CCDC7: variants seen among roughly 807,000 people sequenced by gnomAD.
CCDC7 encodes coiled-coil domain-containing protein 7.
In CCDC7, 183 loss-of-function variants were observed where a neutral mutation model predicts 196.9. The ratio of observed to expected loss-of-function variants is 0.93; its 90% confidence interval spans 0.82 to 1.05. The LOEUF (loss-of-function observed/expected upper bound fraction) is 1.05, where lower values mean the gene tolerates loss of function less well. CCDC7 is among the 50% of genes least tolerant of loss of function. The pLI, the probability that CCDC7 is intolerant of heterozygous loss-of-function variation, is 0.00. For synonymous variants in CCDC7, 525 were observed against 484.6 expected (o/e 1.08, Z -1.10); for missense variants, 1,540 against 1,482.2 (o/e 1.04, Z -0.64).
chr10:32,836,690 AGT>A (rs1214721279), intron 33 of CCDC7, among the ~76,000 whole-genome samples: 1 of 152,116 alleles, frequency 6.6e-6, no homozygotes, highest in East Asian at 1.9e-4. Flanking sequence ...TCTTTTGAGA[AGT>A]GTCTGTTCAT....
intron 29 of CCDC7, among the ~76,000 whole-genome samples, chr10:32,785,340 C>A (rs1347214528): frequency 1.3e-5 from 2 of 152,112 alleles, no homozygotes; most frequent in African/African-American, 2.4e-5. Flanking sequence ...GATAAAAATT[C>A]TTCTGCACAA....
intron 11 of CCDC7, among the ~76,000 whole-genome samples, chr10:32,538,437 A>G (rs1044701326): frequency 1.3e-5 from 2 of 152,178 alleles, no homozygotes; most frequent in Non-Finnish European, 2.9e-5. Flanking sequence ...AAACAGGGGT[A>G]GTTTCACTTC....
At chr10:32,520,085 A>G (rs1446447828) in intron 11 of CCDC7, among the ~76,000 whole-genome samples, 1 of 152,068 alleles carries the variant, frequency 6.6e-6, no homozygotes, top group Non-Finnish European at 1.5e-5. Flanking sequence ...TCCATCGTGT[A>G]TGAGTATTAC....
chr10:32,874,012 A>G (rs1202059766), intron 41 of CCDC7, among the ~76,000 whole-genome samples: 5 of 151,672 alleles, frequency 3.3e-5, no homozygotes, highest in African/African-American at 1.2e-4. Flanking sequence ...TATACAATTA[A>G]TAATTAAAAT....
chr10:32,855,073 A>G (rs76751038), intron 41 of CCDC7, among the ~76,000 whole-genome samples: 5,838 of 152,274 alleles, frequency 0.038, 391 homozygotes, highest in African/African-American at 0.13. Flanking sequence ...CCAGAACTAG[A>G]CTTTTCATGC....
intron 21 of CCDC7, among the ~76,000 whole-genome samples, chr10:32,666,277 T>A (rs2072687265): frequency 6.6e-6 from 1 of 151,880 alleles, no homozygotes; most frequent in Non-Finnish European, 1.5e-5. Flanking sequence ...TATAAATAGC[T>A]ATCATTTACT....
chr10:32,795,949 G>A (rs183614810), intron 29 of CCDC7, among the ~76,000 whole-genome samples: 27 of 152,200 alleles, frequency 1.8e-4, no homozygotes, highest in South Asian at 1.0e-3. Flanking sequence ...CTCTTGCTGC[G>A]TTTGGATCCT....
At chr10:32,491,627 TCAAGTTATGTAA>T (rs2042166178) in intron 8 of CCDC7, among the ~76,000 whole-genome samples, 1 of 152,184 alleles carries the variant, frequency 6.6e-6, no homozygotes, top group Non-Finnish European at 1.5e-5. Context: ...ATAGTATTGA[TCAAGTTATGTAA>T]CCTCTTTGAG....
intron 13 of CCDC7, among the ~76,000 whole-genome samples, chr10:32,562,147 T>A (rs1315452437): frequency 1.3e-5 from 2 of 152,116 alleles, no homozygotes; most frequent in African/African-American, 2.4e-5. Context: ...TCTGAAATTG[T>A]GGCAATAATC....
chr10:32,605,854 AAAG>A (rs2061509650), intron 18 of CCDC7, among the ~76,000 whole-genome samples: 1 of 152,142 alleles, frequency 6.6e-6, no homozygotes, highest in Non-Finnish European at 1.5e-5. Context: ...AAAGAAAAGA[AAAG>A]AAAAGCCTGT....
intron 28 of CCDC7, among the ~76,000 whole-genome samples, chr10:32,753,399 G>T (rs2075952953): frequency 6.6e-6 from 1 of 151,956 alleles, no homozygotes; most frequent in Non-Finnish European, 1.5e-5. Context: ...AATATTTATT[G>T]AGCCTTTATT....
chr10:32,541,084 T>A (rs573016262), intron 11 of CCDC7, among the ~76,000 whole-genome samples: 1 of 151,686 alleles, frequency 6.6e-6, no homozygotes, highest in Non-Finnish European at 1.5e-5. Flanking sequence ...TTTGTTTTTG[T>A]CTGATTGATT....
Position 32,465,410 on chromosome 10 carries a change from C to T in CCDC7, c.510+2361C>T, listed in dbSNP as rs2036563476. On this transcript the variant is annotated intron_variant, in intron 5 of 41. Transcript: ENST00000639629. ...TAAAACATTCTCTCCATATGGTTCC[C>T]AGTAAGTTGTATGTTGTTAAATTAA... 5.3e-5 allele frequency among the ~76,000 whole-genome samples: 8 copies of T among 151,062 alleles called. No individual in the cohort carries two copies. In the South Asian group the frequency reaches 1.7e-3, roughly 32 times the overall value.
chr10:32,792,454 G>C (rs1005841011), intron 29 of CCDC7, among the ~76,000 whole-genome samples: 11 of 152,296 alleles, frequency 7.2e-5, no homozygotes, highest in African/African-American at 2.6e-4. Flanking sequence ...CAAATCTACA[G>C]TTTAGATATG....
intron 9 of CCDC7, among the ~76,000 whole-genome samples, chr10:32,504,917 C>T (rs1369627746): frequency 6.6e-6 from 1 of 152,158 alleles, no homozygotes; most frequent in Non-Finnish European, 1.5e-5. Context: ...TCAGTTAGGT[C>T]CATTTGGCCT....
chr10:32,589,158 G>A (rs1420067051), intron 18 of CCDC7, among the ~76,000 whole-genome samples: 1 of 151,220 alleles, frequency 6.6e-6, no homozygotes, highest in Non-Finnish European at 1.5e-5. Flanking sequence ...ATGCTTACTA[G>A]CCTCTGGTTA....
chr10:32,778,989 C>A (rs1396744165), exon 29 of CCDC7: 1 of 1,548,636 alleles, frequency 6.5e-7, no homozygotes, highest in South Asian at 1.2e-5. Context: ...AAAAATGAAG[C>A]AGCCTCAGAA....
chr10:32,454,218 A>G (rs2243926), intron 2 of CCDC7, among the ~76,000 whole-genome samples: 57,977 of 152,078 alleles, frequency 0.38, 12,678 homozygotes, highest in Non-Finnish European at 0.51. Flanking sequence ...GCAAAGGAGT[A>G]CAGTGAAGCT....
At chr10:32,709,756 T>G (rs973027888) in intron 24 of CCDC7, among the ~76,000 whole-genome samples, 2 of 152,154 alleles carry the variant, frequency 1.3e-5, no homozygotes, top group Non-Finnish European at 1.5e-5. Flanking sequence ...CTAGATTATT[T>G]CACTGACCAA....
Sources: gnomAD v4.1 joint callset for allele counts (sites outside exome capture counted in the v4.1 genomes callset) on GRCh38, gnomAD v4.1.1 for gene constraint, MANE v1.5 for transcripts, NCBI Gene and HGNC (gene_info 2026-07-23, HGNC 2026-07-21) for gene names.